KIAA0232: variants seen among roughly 807,000 people sequenced by gnomAD.
KIAA0232 encodes KIAA0232.
KIAA0232 carries 27 observed loss-of-function variants against 122.0 expected under a neutral mutation model. The observed-to-expected ratio is 0.22, with a 90% CI of 0.16 to 0.31. The LOEUF (loss-of-function observed/expected upper bound fraction) is 0.31. Ranked by LOEUF, KIAA0232 falls within the 10% of genes least tolerant of loss-of-function variation. The pLI, the probability that KIAA0232 is intolerant of heterozygous loss-of-function variation, is 1.00. For synonymous variants in KIAA0232, 613 were observed against 587.6 expected, an observed-to-expected ratio of 1.04 and a Z score of -0.63; for missense variants, 1,551 against 1,634.2, an observed-to-expected ratio of 0.95 and a Z score of 0.88.
At chr4:6,814,170 T>A (rs976241395) in intron 2 of KIAA0232, among the ~76,000 whole-genome samples, 1 of 152,168 alleles carries the variant, frequency 6.6e-6, no homozygotes, top group African/African-American at 2.4e-5. Context: ...TGCAGATGTC[T>A]GTGTTCTAAA....
intron 4 of KIAA0232, among the ~76,000 whole-genome samples, chr4:6,851,285 C>T (rs924326263): frequency 6.6e-6 from 1 of 152,190 alleles, no homozygotes. Context: ...TCCAGACATT[C>T]AGCTCATAGC....
At chr4:6,812,411 G>C (rs960434457) in intron 2 of KIAA0232, among the ~76,000 whole-genome samples, 3 of 152,110 alleles carry the variant, frequency 2.0e-5, no homozygotes, top group African/African-American at 7.2e-5. Flanking sequence ...AAGGGTCTTA[G>C]AACGCCATGG....
chr4:6,860,987 C>T lies in KIAA0232; in HGVS notation c.605C>T (p.Ser202Phe). ...MTVWNKSKVC[S>F]YSSSSSSSTA... ...GTGTGGAACAAGTCTAAAGTCTGTT[C>T]TTACTCTAGCTCTTCTTCATCATCC... Residue 202 changes from serine (S) to phenylalanine (F), a missense_variant, in exon 7 of 10, where the codon TCT (serine) becomes TTT (phenylalanine). Physicochemically the swap from Ser to Phe is radical, Grantham distance 155. Coordinates refer to ENST00000307659, the MANE Select transcript of KIAA0232 (RefSeq NM_014743.3). 6.2e-7 allele frequency: 1 copy of T among 1,614,146 alleles called. No homozygotes were observed. The highest frequency in any genetic ancestry group is 8.5e-7 in the Non-Finnish European group (1 of 1,180,022).
chr4:6,875,525 C>T (rs891917379), intron 8 of KIAA0232, among the ~76,000 whole-genome samples: 5 of 152,182 alleles, frequency 3.3e-5, no homozygotes, highest in African/African-American at 1.2e-4. Flanking sequence ...AGCAGCCCAG[C>T]AGGGCCCAGA....
intron 6 of KIAA0232, among the ~76,000 whole-genome samples, chr4:6,859,703 G>C (rs1292055501): frequency 6.6e-6 from 1 of 152,158 alleles, no homozygotes; most frequent in African/African-American, 2.4e-5. Context: ...AGAGAATCAA[G>C]TTCAGGCCCT....
chr4:6,792,048 C>T lies in KIAA0232; in HGVS notation c.-354+9207C>T, dbSNP rs111311599. Among the ~76,000 whole-genome samples, 391 of 152,326 alleles carry T rather than the reference C, an allele frequency of 2.6e-3. 1 individual carries two copies. The highest frequency in any genetic ancestry group is 7.7e-3 in the African/African-American group (320 of 41,576). ...CATGTAAGAGGTGACTTTGCTCCTCCTTGCCTTCTGCCATGATTGTGAGGC... is the reference window on the plus strand; with the variant it reads ...CATGTAAGAGGTGACTTTGCTCCTCTTTGCCTTCTGCCATGATTGTGAGGC... On this transcript the variant is annotated intron_variant, in intron 1 of 9. Transcript: ENST00000307659.
At chr4:6,800,197 A>T (rs1717327160) in intron 1 of KIAA0232, among the ~76,000 whole-genome samples, 1 of 148,642 alleles carries the variant, frequency 6.7e-6, no homozygotes, top group African/African-American at 2.5e-5. Context: ...AGCTAGTATT[A>T]CAGGTGCCCG....
intron 3 of KIAA0232, among the ~76,000 whole-genome samples, chr4:6,832,394 G>T (rs1236553429): frequency 6.6e-6 from 1 of 150,496 alleles, no homozygotes; most frequent in Admixed American, 6.6e-5. Flanking sequence ...TGTTGCCTAG[G>T]CTGGAGTGTA....
intron 4 of KIAA0232, among the ~76,000 whole-genome samples, chr4:6,847,378 C>T (rs1720020734): frequency 6.6e-6 from 1 of 152,210 alleles, no homozygotes; most frequent in African/African-American, 2.4e-5. Flanking sequence ...TTGTACCCCA[C>T]ATTATGGCAC....
intron 1 of KIAA0232, among the ~76,000 whole-genome samples, chr4:6,801,626 G>C (rs904573391): frequency 6.6e-6 from 1 of 151,948 alleles, no homozygotes; most frequent in Non-Finnish European, 1.5e-5. Context: ...CCAAGCTGCA[G>C]CGAACTATGA....
intron 3 of KIAA0232, among the ~76,000 whole-genome samples, chr4:6,828,789 A>C (rs545361741): frequency 6.6e-6 from 1 of 151,966 alleles, no homozygotes; most frequent in Non-Finnish European, 1.5e-5. Context: ...CTTTTGCTTT[A>C]TTTCTGTCTT....
intron 1 of KIAA0232, among the ~76,000 whole-genome samples, chr4:6,793,278 A>G (rs1001908793): frequency 9.9e-5 from 15 of 152,186 alleles, no homozygotes; most frequent in Non-Finnish European, 1.6e-4. Flanking sequence ...TTAAAAAACA[A>G]CTGTTTATTT....
chr4:6,818,628 A>G lies in KIAA0232; in HGVS notation c.-269-5557A>G, dbSNP rs77676338. Among the ~76,000 whole-genome samples, 470 of 152,230 alleles carry G rather than the reference A, an allele frequency of 3.1e-3. 3 individuals carry two copies. Among genetic ancestry groups the G allele is most frequent in the African/African-American group, 0.011 (449 of 41,534 alleles). Reference sequence around the variant, plus strand: ...ATGGACTGGAAGAATTGATATCATTACAATGGCCATACAGCCCAAAGCAGT... The same window carrying G: ...ATGGACTGGAAGAATTGATATCATTGCAATGGCCATACAGCCCAAAGCAGT... On this transcript the variant is annotated intron_variant, in intron 2 of 9. Coordinates refer to ENST00000307659, the MANE Select transcript of KIAA0232 (RefSeq NM_014743.3).
At chr4:6,844,799 C>G (rs1025210933) in intron 4 of KIAA0232, among the ~76,000 whole-genome samples, 2 of 152,168 alleles carry the variant, frequency 1.3e-5, no homozygotes, top group Non-Finnish European at 2.9e-5. Flanking sequence ...GAAGTTACCA[C>G]TTATACATAC....
chr4:6,795,955 C>T (rs974951891), intron 1 of KIAA0232, among the ~76,000 whole-genome samples: 9 of 151,942 alleles, frequency 5.9e-5, no homozygotes, highest in African/African-American at 1.7e-4. Flanking sequence ...GTGGAGGAAG[C>T]GAATGGAAAT....
intron 1 of KIAA0232, among the ~76,000 whole-genome samples, chr4:6,787,449 A>G (rs1560157076): frequency 6.6e-6 from 1 of 152,174 alleles, no homozygotes; most frequent in Non-Finnish European, 1.5e-5. Context: ...GTTGCTTTGT[A>G]GTACATTTAA....
rs6820214 is a variant in KIAA0232, at chr4:6,880,302, C to G, written c.4009-485C>G. ...CACTGCAAACTCCCTTCCCAACACA[C>G]AGGTCTGTAGTGTCGCCTCACCATC... On this transcript the variant is annotated intron_variant, in intron 9 of 9. Transcript: ENST00000307659. Among the ~76,000 whole-genome samples, 43 of 12,894 alleles carry G rather than the reference C, an allele frequency of 3.3e-3. 3 individuals carry two copies. The highest frequency in any genetic ancestry group is 5.5e-3 in the African/African-American group (37 of 6,722). The allele number at this position is 12,894 out of a possible 152,430, so 8.5% of individuals were successfully genotyped here.
intron 8 of KIAA0232, among the ~76,000 whole-genome samples, chr4:6,873,503 C>T (rs1721604050): frequency 6.6e-6 from 1 of 152,176 alleles, no homozygotes; most frequent in Admixed American, 6.5e-5. Context: ...GAGGAGGATG[C>T]CACCTTGTGG....
chr4:6,841,734 G>GA (rs1719672022), intron 3 of KIAA0232, among the ~76,000 whole-genome samples: 1 of 152,036 alleles, frequency 6.6e-6, no homozygotes, highest in African/African-American at 2.4e-5. Flanking sequence ...ATATGCTTAA[G>GA]AAAAAATTTG....
Sources: allele counts gnomAD v4.1 joint callset (sites outside exome capture counted in the v4.1 genomes callset), GRCh38; gene constraint gnomAD v4.1.1; transcripts MANE v1.5; gene names NCBI Gene and HGNC (gene_info 2026-07-23, HGNC 2026-07-21).